AGMO: variants seen among roughly 807,000 people sequenced by gnomAD.
AGMO encodes glyceryl-ether monooxygenase.
A neutral mutation model predicts 60.2 loss-of-function variants in AGMO; 75 were observed. That is an observed-to-expected ratio of 1.25 (90% CI 1.03 to 1.51). The LOEUF is 1.51. Ranked by LOEUF, AGMO falls within the 40% of genes most tolerant of loss-of-function variation. The probability of loss-of-function intolerance (pLI) is 0.00; values close to 1 mark genes in which losing one functional copy is unlikely to be tolerated. For synonymous variants in AGMO, 261 were observed against 177.1 expected, an observed-to-expected ratio of 1.47 and a Z score of -3.76; for missense variants, 763 against 525.5, an observed-to-expected ratio of 1.45 and a Z score of -4.42.
intron 3 of AGMO, among the ~76,000 whole-genome samples, chr7:15,489,997 T>C (rs1332704348): frequency 2.6e-5 from 4 of 152,230 alleles, no homozygotes; most frequent in Non-Finnish European, 4.4e-5. Flanking sequence ...TTAGAATTTA[T>C]CCTTCTCCGT....
At chr7:15,237,703 C>A (rs1782467724) in intron 12 of AGMO, among the ~76,000 whole-genome samples, 1 of 152,014 alleles carries the variant, frequency 6.6e-6, no homozygotes, top group South Asian at 2.1e-4. Flanking sequence ...TACACACACA[C>A]AAATACACAA....
the AGMO span, among the ~76,000 whole-genome samples, chr7:15,170,238 G>C: frequency 6.6e-6 from 1 of 152,214 alleles, no homozygotes; most frequent in Non-Finnish European, 1.5e-5. Context: ...TTTTGCATGA[G>C]AGTATCGACC....
intron 10 of AGMO, among the ~76,000 whole-genome samples, chr7:15,367,713 G>A (rs1267386556): frequency 6.6e-6 from 1 of 152,036 alleles, no homozygotes. Flanking sequence ...CAAAGTATTG[G>A]ACACAGTTCC....
chr7:15,555,172 C>G (rs747797279), intron 2 of AGMO, among the ~76,000 whole-genome samples: 1 of 150,978 alleles, frequency 6.6e-6, no homozygotes, highest in Non-Finnish European at 1.5e-5. Flanking sequence ...TTCTAATAAT[C>G]TTGTTTTATG....
At chr7:15,478,926 T>C (rs1254457831) in intron 3 of AGMO, among the ~76,000 whole-genome samples, 1 of 152,174 alleles carries the variant, frequency 6.6e-6, no homozygotes, top group Non-Finnish European at 1.5e-5. Context: ...GGTCATGCTG[T>C]TCATCATCTA....
chr7:15,229,231 G>T (rs1427392681), intron 12 of AGMO, among the ~76,000 whole-genome samples: 1 of 151,852 alleles, frequency 6.6e-6, no homozygotes, highest in South Asian at 2.1e-4. Flanking sequence ...ATCAAATTAG[G>T]GAATTTCATT....
chr7:15,551,440 T>C (rs1784957622), intron 2 of AGMO, among the ~76,000 whole-genome samples: 1 of 149,228 alleles, frequency 6.7e-6, no homozygotes, highest in Non-Finnish European at 1.5e-5. Context: ...GCCCAAAATC[T>C]CCTTAAGCTG....
intron 3 of AGMO, among the ~76,000 whole-genome samples, chr7:15,442,088 G>A (rs1781572868): frequency 6.6e-6 from 1 of 152,148 alleles, no homozygotes. Context: ...AAGGCTGTGT[G>A]TCCCCTGAAA....
chr7:15,362,290 G>C (rs977200531), intron 12 of AGMO, among the ~76,000 whole-genome samples: 3 of 152,002 alleles, frequency 2.0e-5, no homozygotes, highest in Non-Finnish European at 2.9e-5. Flanking sequence ...ACCATGTTTA[G>C]CTTTAAAAAG....
intron 12 of AGMO, among the ~76,000 whole-genome samples, chr7:15,330,718 G>A (rs1340504970): frequency 6.6e-6 from 1 of 151,964 alleles, no homozygotes; most frequent in Non-Finnish European, 1.5e-5. Flanking sequence ...CTAATATCAG[G>A]AATTTTAAAG....
the AGMO span, among the ~76,000 whole-genome samples, chr7:15,170,899 T>A: frequency 6.6e-6 from 1 of 152,162 alleles, no homozygotes; most frequent in African/African-American, 2.4e-5. Context: ...GGTTAGGTAT[T>A]TTGTAGAATG....
At chr7:15,219,273 G>C (rs1259833621) in intron 12 of AGMO, among the ~76,000 whole-genome samples, 3 of 152,192 alleles carry the variant, frequency 2.0e-5, no homozygotes, top group Non-Finnish European at 4.4e-5. Flanking sequence ...GTGTGCAGTA[G>C]AGACATCTAA....
chr7:15,258,735 G>T (rs1783178296), intron 12 of AGMO, among the ~76,000 whole-genome samples: 1 of 152,022 alleles, frequency 6.6e-6, no homozygotes, highest in African/African-American at 2.4e-5. Flanking sequence ...TCTAAAGACA[G>T]ATCACATCAC....
chr7:15,440,512 A>G (rs555877267), intron 3 of AGMO, among the ~76,000 whole-genome samples: 2 of 152,270 alleles, frequency 1.3e-5, no homozygotes, highest in African/African-American at 2.4e-5. Flanking sequence ...GTGTGTATTT[A>G]TGTATATTTG....
intron 3 of AGMO, among the ~76,000 whole-genome samples, chr7:15,525,422 C>T (rs1259332251): frequency 6.6e-6 from 1 of 152,058 alleles, no homozygotes; most frequent in African/African-American, 2.4e-5. Context: ...TGGTTTTTTA[C>T]ACTGCCATGC....
intron 3 of AGMO, among the ~76,000 whole-genome samples, chr7:15,454,533 T>A (rs1227994176): frequency 6.6e-6 from 1 of 152,180 alleles, no homozygotes; most frequent in African/African-American, 2.4e-5. Flanking sequence ...AAAAAAACTA[T>A]TGACCTATAT....
rs113401311 is a variant in AGMO at position 15,281,682 on chromosome 7, A to G, written c.1264-80323T>C. On this transcript the variant is annotated intron_variant, in intron 12 of 12. Transcript: ENST00000342526. ...CTTCTGTCAGGACAGAGGCATTTGC[A>G]ATACCCATTGATGGACACCTGCTTT... 1.3e-3 allele frequency among the ~76,000 whole-genome samples: 192 copies of G among 152,274 alleles called. 1 individual carries two copies. The highest frequency in any genetic ancestry group is 6.8e-3 in the Middle Eastern group (2 of 294).
chr7:15,319,899 G>C (rs1781055442), intron 12 of AGMO, among the ~76,000 whole-genome samples: 1 of 152,088 alleles, frequency 6.6e-6, no homozygotes, highest in South Asian at 2.1e-4. Context: ...GGATTATCTA[G>C]ATAGTATAAA....
intron 12 of AGMO, among the ~76,000 whole-genome samples, chr7:15,328,504 T>C (rs62450332): frequency 0.032 from 4,847 of 152,212 alleles, 92 homozygotes; most frequent in Middle Eastern, 0.058. Flanking sequence ...TTGTAAGAAA[T>C]TCCCTCTTTC....
Sources: allele counts gnomAD v4.1 joint callset (sites outside exome capture counted in the v4.1 genomes callset), GRCh38; gene constraint gnomAD v4.1.1; transcripts MANE v1.5; gene names NCBI Gene and HGNC (gene_info 2026-07-23, HGNC 2026-07-21).